Variants in TFCP2L1 observed in about 807,000 individuals in gnomAD.
TFCP2L1 encodes transcription factor CP2 like 1.
A neutral mutation model predicts 72.2 loss-of-function variants in TFCP2L1; 12 were observed. The observed-to-expected ratio is 0.17, with a 90% CI of 0.11 to 0.27. TFCP2L1 has a LOEUF of 0.27. Among genes scored for constraint, TFCP2L1 ranks in the 10% least tolerant of loss-of-function variants. The probability of loss-of-function intolerance (pLI) is 1.00; values close to 1 mark genes in which losing one functional copy is unlikely to be tolerated. For missense variants in TFCP2L1, 488 were observed against 624.6 expected (o/e 0.78, Z 2.33); for synonymous variants, 260 against 251.0 (o/e 1.04, Z -0.34).
intron 2 of TFCP2L1, among the ~76,000 whole-genome samples, chr2:121,278,455 G>A (rs1687191215): frequency 6.6e-6 from 1 of 151,172 alleles, no homozygotes; most frequent in Admixed American, 6.6e-5. Flanking sequence ...GGAGGCTGAG[G>A]CAGGTGGATC....
chr2:121,268,083 G>A (rs1315238792), intron 2 of TFCP2L1, among the ~76,000 whole-genome samples: 1 of 152,168 alleles, frequency 6.6e-6, no homozygotes, highest in African/African-American at 2.4e-5. Context: ...CTGTACTCCA[G>A]CCTGGGTGAC....
chr2:121,226,658 G>A (rs996358185), intron 13 of TFCP2L1, among the ~76,000 whole-genome samples: 36 of 152,192 alleles, frequency 2.4e-4, no homozygotes, highest in African/African-American at 8.4e-4. Context: ...TTCTAATTTC[G>A]ATGAACTACC....
intron 2 of TFCP2L1, among the ~76,000 whole-genome samples, chr2:121,279,065 A>C (rs1687204717): frequency 6.6e-6 from 1 of 152,110 alleles, no homozygotes; most frequent in Non-Finnish European, 1.5e-5. Context: ...TGGCCTTACC[A>C]ACAGGAGCAG....
At chr2:121,236,434 C>T (rs554920811) in intron 10 of TFCP2L1, among the ~76,000 whole-genome samples, 2 of 152,244 alleles carry the variant, frequency 1.3e-5, no homozygotes, top group South Asian at 2.1e-4. Flanking sequence ...GTGAGCACAG[C>T]GTGAGGGCTG....
At chr2:121,232,496 G>C (rs1026953646) in intron 12 of TFCP2L1, among the ~76,000 whole-genome samples, 10 of 152,062 alleles carry the variant, frequency 6.6e-5, no homozygotes, top group Non-Finnish European at 2.9e-5. Context: ...GAAATGCAGA[G>C]ATCCCTAGAC....
At chr2:121,226,989 T>C (rs1686043205) in intron 13 of TFCP2L1, among the ~76,000 whole-genome samples, 1 of 152,152 alleles carries the variant, frequency 6.6e-6, no homozygotes, top group Non-Finnish European at 1.5e-5. Context: ...GCCCCGTCAG[T>C]CAACAGCAGA....
At position 121,275,789 on chromosome 2, in the gene TFCP2L1, T is replaced by G. The variant is rs189332118; in HGVS notation, c.214+5331A>C. Among the ~76,000 whole-genome samples, 50 of 152,288 alleles carry G rather than the reference T, an allele frequency of 3.3e-4. 1 individual carries two copies. The East Asian group carries it at 9.7e-3, about 30-fold the overall frequency. ...TTTCACCCCGTTGGCCAGGCTGGTCTAGAACTCCTGACCTCAGATGATCCA... is the reference window on the plus strand; with the variant it reads ...TTTCACCCCGTTGGCCAGGCTGGTCGAGAACTCCTGACCTCAGATGATCCA... On this transcript the variant is annotated intron_variant, in intron 2 of 14. Transcript: ENST00000263707.
chr2:121,272,951 T>C (rs1031001648), intron 2 of TFCP2L1, among the ~76,000 whole-genome samples: 2 of 152,176 alleles, frequency 1.3e-5, no homozygotes, highest in African/African-American at 2.4e-5. Flanking sequence ...GCCATATCAC[T>C]CATATTTCCC....
In TFCP2L1 at chr2:121,237,644, G is replaced by A. The variant is rs774374017; in HGVS notation, c.982C>T (p.Arg328Trp). 1.7e-5 allele frequency: 28 copies of A among 1,614,124 alleles called. No homozygotes were observed. Among genetic ancestry groups the A allele is most frequent in the South Asian group, 4.4e-5 (4 of 91,058 alleles). ...LHRNRFSQFC[R>W]LFASFSGADL... The stretch of plus-strand genomic sequence containing the variant: ...TCACCTGAGAAGCTGGCAAAGAGCC[G>A]GCAGAACTGCGAGAACCTGTTGCGG... The change falls in exon 10 of 15, where the codon CGG becomes TGG. Residue 328 changes from arginine to tryptophan, a missense_variant. Transcript: ENST00000263707.
At chr2:121,246,693 T>A in intron 6 of TFCP2L1, 125 bp downstream of exon 6, 1 of 1,244,634 alleles carries the variant, frequency 8.0e-7, no homozygotes, top group South Asian at 1.4e-5. Flanking sequence ...GTAGAAGCCA[T>A]GTGCTAAAGG....
At chr2:121,284,995 G>T in intron 1 of TFCP2L1, 53 bp downstream of exon 1, 2 of 1,420,710 alleles carry the variant, frequency 1.4e-6, no homozygotes, top group Non-Finnish European at 1.8e-6. Flanking sequence ...GTCCAACGGC[G>T]CCCGGCCCGC....
At chr2:121,236,468 TC>T (rs1686251306) in intron 10 of TFCP2L1, among the ~76,000 whole-genome samples, 1 of 151,868 alleles carries the variant, frequency 6.6e-6, no homozygotes, top group African/African-American at 2.4e-5. Flanking sequence ...GCCCAAGGGG[TC>T]CCCGAGAGCC....
chr2:121,249,074 A>T lies in TFCP2L1; in HGVS notation c.305T>A (p.Val102Glu). The T allele has an allele frequency of 6.3e-7, 1 of 1,590,336 alleles. No homozygotes were observed. Among genetic ancestry groups the T allele is most frequent in the Non-Finnish European group, 8.6e-7 (1 of 1,167,920 alleles). The change falls in exon 4 of 15, where the codon GTG becomes GAG. Residue 102 changes from valine (V) to glutamate (E), a missense_variant. Physicochemically the swap from Val to Glu is moderately radical, Grantham distance 121. Around this residue, in one of 3 missense-constraint regions of TFCP2L1, gnomAD observed 129 missense variants for 236.0 expected, o/e 0.55. Transcript: ENST00000263707. ...NTKYVKSIIR[V>E]VFHDRRLQYT... ...CTGCAGCCGGCGGTCATGGAAGACC[A>T]CACGGATGATGCTCTGGGGAGGGAG...
intron 2 of TFCP2L1, among the ~76,000 whole-genome samples, chr2:121,257,011 G>A (rs913833810): frequency 5.3e-5 from 8 of 152,096 alleles, no homozygotes; most frequent in Non-Finnish European, 5.9e-5. Context: ...GAACCATACC[G>A]GGCAGGAGTG....
In TFCP2L1 at chr2:121,279,825, G is replaced by T. The variant is rs548489385; in HGVS notation, c.214+1295C>A. ...TGCTCTGCCCATTGAAAGTAGAGGG[G>T]TATCATACCAGTCAGGGGTAGAGCA... On this transcript the variant is annotated intron_variant, in intron 2 of 14. Transcript: ENST00000263707. Among the ~76,000 whole-genome samples the T allele has an allele frequency of 1.6e-4, 24 of 152,284 alleles. No homozygotes were observed. In the South Asian group the frequency reaches 4.8e-3, roughly 30 times the overall value.
chr2:121,237,691 T>C lies in TFCP2L1; in HGVS notation c.935A>G (p.Gln312Arg), dbSNP rs1246568412. ...SDHLLPSASI[Q>R]DAQQWLHRNR... ...GCGGTGAAGCCACTGCTGGGCATCC[T>C]GGATCGAAGCTGATGGGAGCAGGTG... The change falls in exon 10 of 15, where the codon CAG becomes CGG. Residue 312 changes from glutamine (Q) to arginine (R), a missense_variant. By Grantham distance (43) the Gln-to-Arg change is conservative. Coordinates refer to ENST00000263707, the MANE Select transcript of TFCP2L1 (RefSeq NM_014553.3). 6.2e-7 allele frequency: 1 copy of C among 1,614,170 alleles called. No homozygotes were observed. Among genetic ancestry groups the C allele is most frequent in the South Asian group, 1.1e-5 (1 of 91,080 alleles).
intron 7 of TFCP2L1, chr2:121,240,414 GC>G (rs1197894754): frequency 1.0e-6 from 1 of 985,252 alleles, no homozygotes; most frequent in African/African-American, 1.7e-5. Flanking sequence ...TTCAGAGAGG[GC>G]CAATTTGAAG....
intron 2 of TFCP2L1, among the ~76,000 whole-genome samples, chr2:121,278,390 A>T (rs1241833799): frequency 4.0e-5 from 6 of 149,974 alleles, no homozygotes; most frequent in Non-Finnish European, 5.9e-5. Flanking sequence ...AACTCTTTTT[A>T]AAAAAACCTA....
chr2:121,264,367 C>G (rs1226430514), intron 2 of TFCP2L1, among the ~76,000 whole-genome samples: 2 of 152,234 alleles, frequency 1.3e-5, no homozygotes, highest in East Asian at 3.9e-4. Context: ...TGAGACTGCT[C>G]CTCTATTCCC....
Sources: allele counts gnomAD v4.1 joint callset (sites outside exome capture counted in the v4.1 genomes callset), GRCh38; gene constraint gnomAD v4.1.1; regional missense constraint gnomAD v4.1.1; transcripts MANE v1.5; gene names NCBI Gene and HGNC (gene_info 2026-07-23, HGNC 2026-07-21).